Variants in COL13A1 observed in about 807,000 individuals in gnomAD.
COL13A1 encodes collagen type XIII alpha 1 chain.
A neutral mutation model predicts 130.9 loss-of-function variants in COL13A1; 89 were observed. The observed-to-expected ratio is 0.68, with a 90% CI of 0.57 to 0.81. The LOEUF (loss-of-function observed/expected upper bound fraction) is 0.81. COL13A1 is among the 30% of genes least tolerant of loss of function. COL13A1 has a pLI of 0.00. For missense variants in COL13A1, 879 were observed against 934.6 expected (o/e 0.94, Z 0.78); for synonymous variants, 402 against 341.6 (o/e 1.18, Z -1.95).
chr10:69,805,944 T>A (rs1279661537), intron 1 of COL13A1, among the ~76,000 whole-genome samples: 1 of 152,252 alleles, frequency 6.6e-6, no homozygotes, highest in African/African-American at 2.4e-5. Flanking sequence ...CACACAGGCA[T>A]CTGGTGAGTT....
At chr10:69,839,447 A>G (rs1404622631) in intron 2 of COL13A1, among the ~76,000 whole-genome samples, 1 of 152,186 alleles carries the variant, frequency 6.6e-6, no homozygotes. Flanking sequence ...AAAACTGTAT[A>G]TATTTAAGGC....
intron 17 of COL13A1, among the ~76,000 whole-genome samples, chr10:69,907,359 G>A (rs2062867156): frequency 6.6e-6 from 1 of 152,120 alleles, no homozygotes; most frequent in African/African-American, 2.4e-5. Flanking sequence ...CATTTATAAA[G>A]ACAAGAAATT....
chr10:69,864,025 C>T (rs1008415760), intron 2 of COL13A1, among the ~76,000 whole-genome samples: 2 of 151,960 alleles, frequency 1.3e-5, no homozygotes, highest in African/African-American at 2.4e-5. Flanking sequence ...GCCGTGATTG[C>T]ACCACTGTAC....
intron 17 of COL13A1, among the ~76,000 whole-genome samples, chr10:69,911,158 C>T (rs2063338945): frequency 6.6e-6 from 1 of 152,266 alleles, no homozygotes; most frequent in Admixed American, 6.5e-5. Context: ...ACCCACCCAG[C>T]CATCTCAGCC....
chr10:69,823,480 G>A (rs1334401755), intron 2 of COL13A1, among the ~76,000 whole-genome samples: 5 of 152,186 alleles, frequency 3.3e-5, no homozygotes, highest in East Asian at 1.9e-4. Context: ...TGGCCTCCTC[G>A]ATACCCACGG....
At chr10:69,940,958 T>A (rs374131428) in intron 34 of COL13A1, 30 bp from the exon 35 acceptor site, 111 of 1,613,742 alleles carry the variant, frequency 6.9e-5, no homozygotes, top group Non-Finnish European at 9.1e-5. Context: ...CTCTTCCCCT[T>A]CTTTTGGTCA....
Position 69,958,924 on chromosome 10 carries a change from G to T in COL13A1, c.*223G>T. ...TCTCTAATACATTTTTTGTTTGGTC[G>T]TAATGTCTGCATGATATTTGTGCAC... On this transcript the variant is annotated 3_prime_UTR_variant, in exon 41 of 41. Transcript: ENST00000645393. 1.8e-6 allele frequency: 1 copy of T among 567,014 alleles called. No individual in the cohort carries two copies. The highest frequency in any genetic ancestry group is 3.0e-6 in the Non-Finnish European group (1 of 332,338). 35.1% of individuals were successfully genotyped at this position (567,014 alleles called of 1,614,324 possible).
intron 2 of COL13A1, among the ~76,000 whole-genome samples, chr10:69,852,056 C>A (rs888010532): frequency 6.6e-6 from 1 of 152,134 alleles, no homozygotes; most frequent in African/African-American, 2.4e-5. Context: ...CACCCCAGGG[C>A]CTTTGCACTT....
At chr10:69,929,732 G>A (rs754950282) in intron 28 of COL13A1, among the ~76,000 whole-genome samples, 13 of 152,144 alleles carry the variant, frequency 8.5e-5, no homozygotes, top group East Asian at 3.9e-4. Context: ...AGCCAAGGGC[G>A]CCTAGGGCTC....
At chr10:69,942,746 G>T (rs1004608052) in intron 35 of COL13A1, among the ~76,000 whole-genome samples, 1 of 152,206 alleles carries the variant, frequency 6.6e-6, no homozygotes, top group Non-Finnish European at 1.5e-5. Context: ...ACCGACACTC[G>T]GCAAGGCTAA....
intron 2 of COL13A1, among the ~76,000 whole-genome samples, chr10:69,831,417 AG>A (rs1848794689): frequency 6.6e-6 from 1 of 152,164 alleles, no homozygotes; most frequent in South Asian, 2.1e-4. Flanking sequence ...TGAATCTCCC[AG>A]ACACAGCTGG....
intron 29 of COL13A1, 126 bp downstream of exon 29, chr10:69,930,213 G>C (rs1032811809): frequency 1.8e-6 from 2 of 1,085,754 alleles, no homozygotes; most frequent in Non-Finnish European, 2.7e-6. Flanking sequence ...GGGGAGATGG[G>C]GGGGGGCAGG....
intron 27 of COL13A1, 34 bp downstream of exon 27, chr10:69,927,144 C>A (rs1458211629): frequency 6.3e-7 from 1 of 1,598,936 alleles, no homozygotes; most frequent in Non-Finnish European, 8.5e-7. Context: ...TCCTTGGGCA[C>A]TGGACGGGGG....
intron 31 of COL13A1, among the ~76,000 whole-genome samples, chr10:69,933,182 C>T (rs2066385712): frequency 7.2e-6 from 1 of 138,570 alleles, no homozygotes; most frequent in Non-Finnish European, 1.6e-5. Context: ...ACCATCCCTC[C>T]ACAGCTCACA....
At chr10:69,819,744 C>G (rs1845563696) in intron 1 of COL13A1, among the ~76,000 whole-genome samples, 1 of 152,216 alleles carries the variant, frequency 6.6e-6, no homozygotes, top group Non-Finnish European at 1.5e-5. Context: ...CACCCATGAG[C>G]TGTGGTGCTT....
chr10:69,905,545 ACT>A (rs1359387531), intron 16 of COL13A1, among the ~76,000 whole-genome samples: 1 of 152,110 alleles, frequency 6.6e-6, no homozygotes, highest in Non-Finnish European at 1.5e-5. Context: ...TACCCAAGTG[ACT>A]CTTCCCACCA....
intron 1 of COL13A1, among the ~76,000 whole-genome samples, chr10:69,814,070 G>T (rs1843772315): frequency 6.6e-6 from 1 of 152,234 alleles, no homozygotes; most frequent in African/African-American, 2.4e-5. Context: ...CTGCAACGGG[G>T]CAGCCAGCCC....
chr10:69,949,947 T>C (rs555144355), intron 38 of COL13A1, among the ~76,000 whole-genome samples: 22 of 147,598 alleles, frequency 1.5e-4, no homozygotes, highest in East Asian at 4.1e-4. Flanking sequence ...TGTGTGTGTG[T>C]GCGTGTGTTT....
At chr10:69,925,943 G>A (rs2065294745) in intron 26 of COL13A1, 71 bp downstream of exon 26, 5 of 1,340,584 alleles carry the variant, frequency 3.7e-6, no homozygotes, top group South Asian at 1.3e-5. Flanking sequence ...CTGATCAGGG[G>A]GCCCTTCCAC....
Sources: gnomAD v4.1 joint callset for allele counts (sites outside exome capture counted in the v4.1 genomes callset) on GRCh38, gnomAD v4.1.1 for gene constraint, MANE v1.5 for transcripts, NCBI Gene and HGNC (gene_info 2026-07-23, HGNC 2026-07-21) for gene names.